THSD7B: variants seen among roughly 807,000 people sequenced by gnomAD.
THSD7B encodes the protein thrombospondin type 1 domain containing 7B.
Under a neutral mutation model 213.6 loss-of-function variants are expected in THSD7B, and 138 were observed. The ratio of observed to expected loss-of-function variants is 0.65; its 90% CI spans 0.56 to 0.74. The LOEUF is 0.74. THSD7B is among the 30% of genes least tolerant of loss of function. THSD7B has a pLI of 0.00. For missense variants in THSD7B, 1,931 were observed against 1,991.5 expected (o/e 0.97, Z 0.58); for synonymous variants, 742 against 687.0 (o/e 1.08, Z -1.25).
At chr2:137,602,448 T>C (rs1682092876) in intron 17 of THSD7B, among the ~76,000 whole-genome samples, 1 of 152,016 alleles carries the variant, frequency 6.6e-6, no homozygotes, top group Non-Finnish European at 1.5e-5. Flanking sequence ...TTTTTGTATT[T>C]TAGTAGAGAC....
At position 136,954,439 on chromosome 2, in the gene THSD7B, G is replaced by T. The variant is rs370792654; in HGVS notation, c.139+72122G>T. Among the ~76,000 whole-genome samples the T allele has an allele frequency of 3.2e-3, 483 of 152,206 alleles. 2 individuals carry two copies. Among genetic ancestry groups the T allele is most frequent in the African/African-American group, 0.011 (461 of 41,536 alleles). On this transcript the variant is annotated intron_variant, in intron 2 of 27. Coordinates refer to ENST00000409968, the MANE Select transcript of THSD7B (RefSeq NM_001316349.2). The stretch of plus-strand genomic sequence containing the variant: ...GCCTTGTTTTTAAGAAATTACGGCC[G>T]GGCGCGGTGGCTCACACCTGTAATC...
intron 2 of THSD7B, among the ~76,000 whole-genome samples, chr2:136,894,812 A>T (rs565750160): frequency 7.2e-5 from 11 of 152,178 alleles, no homozygotes; most frequent in Admixed American, 2.6e-4. Context: ...AAATATTTAA[A>T]TTTTTTTATG....
In THSD7B at chr2:137,097,908, T is replaced by A. The variant is rs56281259; in HGVS notation, c.1199+2787T>A. ...TAGGGAGAATAATGTAACTAATGAT[T>A]CTACTTGGTTGTGGGAAGGAGAATA... On this transcript the variant is annotated intron_variant, in intron 4 of 27. Coordinates refer to ENST00000409968, the MANE Select transcript of THSD7B (RefSeq NM_001316349.2). Among the ~76,000 whole-genome samples, 1,474 of 152,192 alleles carry A rather than the reference T, an allele frequency of 9.7e-3. 13 individuals are homozygous for A. Among genetic ancestry groups the A allele is most frequent in the Non-Finnish European group, 0.016 (1,097 of 68,022 alleles).
rs534796689 is a variant in THSD7B at position 137,569,527 on chromosome 2, G to A, written c.3273-2879G>A. On this transcript the variant is annotated intron_variant, in intron 16 of 27. Coordinates refer to ENST00000409968, the MANE Select transcript of THSD7B (RefSeq NM_001316349.2). ...CAGGGGAGAGGATCTAAAGGTTTGG[G>A]TACTTCTTATACTTTCAATAAATCC... Among the ~76,000 whole-genome samples, 26 of 152,166 alleles carry A rather than the reference G, an allele frequency of 1.7e-4. No individual in the cohort carries two copies. The South Asian group carries it at 5.2e-3, about 30-fold the overall frequency.
intron 12 of THSD7B, among the ~76,000 whole-genome samples, chr2:137,330,902 G>A (rs1459296731): frequency 6.6e-6 from 1 of 152,098 alleles, no homozygotes; most frequent in African/African-American, 2.4e-5. Flanking sequence ...TTGACAGGGC[G>A]CTGATTGGTG....
intron 20 of THSD7B, among the ~76,000 whole-genome samples, chr2:137,633,042 G>C (rs1438629298): frequency 1.3e-5 from 2 of 152,170 alleles, no homozygotes; most frequent in Non-Finnish European, 2.9e-5. Context: ...ATGTGCTAAA[G>C]AGCTGTCTTT....
At chr2:137,620,855 A>C in intron 20 of THSD7B, 129 bp downstream of exon 20, 1 of 711,656 alleles carries the variant, frequency 1.4e-6, no homozygotes, top group South Asian at 1.9e-5. Context: ...CCCACAGGGG[A>C]AGAAAAACAG....
intron 7 of THSD7B, among the ~76,000 whole-genome samples, chr2:137,181,757 C>T (rs1350706804): frequency 3.3e-5 from 5 of 152,102 alleles, no homozygotes; most frequent in African/African-American, 1.2e-4. Context: ...GATTGACAGT[C>T]ATGTCCCCTC....
intron 15 of THSD7B, among the ~76,000 whole-genome samples, chr2:137,535,896 C>T (rs114031092): frequency 1.6e-3 from 245 of 151,352 alleles, no homozygotes; most frequent in African/African-American, 5.8e-3. Flanking sequence ...TGGAGACAGA[C>T]GTTCTCTTGT....
chr2:137,391,102 G>T (rs1262074049), intron 12 of THSD7B, among the ~76,000 whole-genome samples: 5 of 152,016 alleles, frequency 3.3e-5, no homozygotes, highest in African/African-American at 1.2e-4. Context: ...TTTTGTTGTT[G>T]TTGAGAGACT....
At chr2:137,667,666 A>G (rs1683474937) in intron 26 of THSD7B, 108 bp from the exon 27 acceptor site, 3 of 842,230 alleles carry the variant, frequency 3.6e-6, no homozygotes, top group Admixed American at 2.5e-5. Context: ...CTGTTCAAGT[A>G]CAGAACTGAT....
chr2:137,373,212 C>A (rs1330936693), intron 12 of THSD7B, among the ~76,000 whole-genome samples: 3 of 152,170 alleles, frequency 2.0e-5, no homozygotes, highest in Admixed American at 6.5e-5. Flanking sequence ...GGTATATACC[C>A]AGTAATGGGA....
chr2:137,651,344 T>C (rs1237127962), intron 21 of THSD7B, among the ~76,000 whole-genome samples: 1 of 152,118 alleles, frequency 6.6e-6, no homozygotes, highest in African/African-American at 2.4e-5. Context: ...GTCTAAGTTC[T>C]TCAAATTGTT....
At chr2:137,454,424 GTCTATCTATCTATCTATCTATCTA>G (rs57128305) in intron 15 of THSD7B, among the ~76,000 whole-genome samples, 1 of 140,140 alleles carries the variant, frequency 7.1e-6, no homozygotes, top group African/African-American at 2.7e-5. Flanking sequence ...CTGTCTGTCT[GTCTATCTATCTATCTATCTATCTA>G]TCTATCTATC....
At chr2:137,365,671 C>A (rs1436233349) in intron 12 of THSD7B, among the ~76,000 whole-genome samples, 2 of 151,876 alleles carry the variant, frequency 1.3e-5, no homozygotes, top group African/African-American at 2.4e-5. Context: ...CAGAGAAATG[C>A]AAATCAAAAC....
intron 12 of THSD7B, among the ~76,000 whole-genome samples, chr2:137,290,722 A>G (rs1192311430): frequency 6.6e-6 from 1 of 152,080 alleles, no homozygotes; most frequent in Non-Finnish European, 1.5e-5. Context: ...TGATCATTCA[A>G]ATTCATTGTT....
chr2:137,509,342 C>T (rs1573674068), intron 15 of THSD7B, among the ~76,000 whole-genome samples: 3 of 134,710 alleles, frequency 2.2e-5, no homozygotes, highest in Admixed American at 7.9e-5. Flanking sequence ...CTTTCTTTTT[C>T]TCTTTCTTTC....
intron 12 of THSD7B, among the ~76,000 whole-genome samples, chr2:137,364,438 A>G (rs10928607): frequency 0.56 from 85,687 of 151,896 alleles, 27,288 homozygotes; most frequent in East Asian, 0.77. Context: ...TCAATTAGGA[A>G]AAGAGCAAGT....
intron 14 of THSD7B, among the ~76,000 whole-genome samples, chr2:137,439,847 T>C (rs1415966365): frequency 6.6e-6 from 1 of 152,134 alleles, no homozygotes; most frequent in Non-Finnish European, 1.5e-5. Context: ...ATAACTTGTT[T>C]CATTGTTCAT....
Sources: allele counts gnomAD v4.1 joint callset (sites outside exome capture counted in the v4.1 genomes callset), GRCh38; gene constraint gnomAD v4.1.1; transcripts MANE v1.5; gene names NCBI Gene and HGNC (gene_info 2026-07-23, HGNC 2026-07-21).